The following PIK3R6 variants were observed in gnomAD, a reference collection of about 807,000 sequenced individuals.
The protein encoded by PIK3R6 is phosphoinositide 3-kinase regulatory subunit 6.
PIK3R6 carries 91 observed loss-of-function variants against 84.9 expected under a neutral mutation model. The ratio of observed to expected loss-of-function variants is 1.07; its 90% confidence interval spans 0.90 to 1.28. PIK3R6 has a LOEUF of 1.28. Ranked by LOEUF, PIK3R6 falls within the 50% of genes most tolerant of loss-of-function variation. The pLI is 0.00. For missense variants in PIK3R6, 996 were observed against 985.1 expected (o/e 1.01, Z -0.15); for synonymous variants, 416 against 411.4 (o/e 1.01, Z -0.13).
At chr17:8,809,948 G>A (rs2087307190) in intron 18 of PIK3R6, among the ~76,000 whole-genome samples, 1 of 152,074 alleles carries the variant, frequency 6.6e-6, no homozygotes, top group South Asian at 2.1e-4. Context: ...AATTCAACAA[G>A]AAGACATAAC....
Position 8,829,380 on chromosome 17 carries a change from ACACT to A in PIK3R6, c.889+322_889+325del, listed in dbSNP as rs747240981. Among the ~76,000 whole-genome samples the A allele has an allele frequency of 2.0e-5, 3 of 151,040 alleles. No individual in the cohort carries two copies. The South Asian group carries it at 6.3e-4, about 32-fold the overall frequency. On this transcript the variant is annotated intron_variant, in intron 10 of 19. Transcript: ENST00000619866. The stretch of plus-strand genomic sequence containing the variant: ...GACACACACACATGCATGGATACAC[ACACT>A]GACACACACGCATGCACACATACAC...
rs1037211714 is a variant in PIK3R6 at position 8,839,918 on chromosome 17, A to G, written c.14-221T>C. 2.0e-5 allele frequency among the ~76,000 whole-genome samples: 3 copies of G among 152,208 alleles called. No homozygotes were observed. Among genetic ancestry groups the G allele is most frequent in the Admixed American group, 2.0e-4 (3 of 15,282 alleles). On this transcript the variant is annotated intron_variant, in intron 2 of 19. Coordinates refer to ENST00000619866, the MANE Select transcript of PIK3R6 (RefSeq NM_001010855.4). This position sits in a 1 kb window ranked among gnomAD's most constrained non-coding sequence, Gnocchi z 4.2. ...GTAAAACCTGCATTTCCCAAAGTGCAGTATGTGTACCACTGGTGGTATGTA... is the reference window on the plus strand; with the variant it reads ...GTAAAACCTGCATTTCCCAAAGTGCGGTATGTGTACCACTGGTGGTATGTA...
chr17:8,859,939 T>C (rs767557630), intron 1 of PIK3R6, among the ~76,000 whole-genome samples: 11 of 152,124 alleles, frequency 7.2e-5, no homozygotes, highest in East Asian at 1.9e-4. Flanking sequence ...CCAGTCTCTC[T>C]CTCTATCCTA....
chr17:8,857,503 T>C (rs781398475), intron 1 of PIK3R6, among the ~76,000 whole-genome samples: 9 of 152,136 alleles, frequency 5.9e-5, no homozygotes, highest in Admixed American at 5.2e-4. Flanking sequence ...AACTTCTGTC[T>C]GGGGCGGCCT....
rs182176184 is a variant in PIK3R6, at chr17:8,849,893, A to C, written c.-91-8T>G. 2,752 of 1,485,688 alleles carry C rather than the reference A, an allele frequency of 1.9e-3. 4 individuals carry two copies. The highest frequency in any genetic ancestry group is 2.3e-3 in the Non-Finnish European group (2,544 of 1,095,502). The allele number at this position is 1,485,688 out of a possible 1,614,324, so 92.0% of individuals were successfully genotyped here. On this transcript the variant is annotated splice_region_variant and splice_polypyrimidine_tract_variant and intron_variant, in intron 1 of 19. Transcript: ENST00000619866. ...TTCTGCACAGAGGTGGTTCTGCAAA[A>C]TAAGAGGTAGTTAATTAGTGGAAGC...
chr17:8,854,603 T>A (rs1246846361), intron 1 of PIK3R6, among the ~76,000 whole-genome samples: 2 of 151,964 alleles, frequency 1.3e-5, no homozygotes, highest in Non-Finnish European at 2.9e-5. Flanking sequence ...GAGAAAGGAG[T>A]CTTTTCAACA....
intron 10 of PIK3R6, among the ~76,000 whole-genome samples, chr17:8,829,274 GAC>G (rs201435016): frequency 0.05 from 7,054 of 141,840 alleles, 423 homozygotes; most frequent in East Asian, 0.31. Flanking sequence ...CAGACACACT[GAC>G]ACACACACGC....
At chr17:8,841,938 A>G (rs943132413) in intron 2 of PIK3R6, among the ~76,000 whole-genome samples, 2 of 152,126 alleles carry the variant, frequency 1.3e-5, no homozygotes, top group African/African-American at 2.4e-5. Context: ...ATGGTGGTGG[A>G]TGCTTCATGA....
At chr17:8,822,222 T>C (rs57986328) in intron 16 of PIK3R6, among the ~76,000 whole-genome samples, 5 of 152,030 alleles carry the variant, frequency 3.3e-5, no homozygotes, top group African/African-American at 7.2e-5. Context: ...GTCCCATAAG[T>C]GCTAGCAGAT....
Position 8,849,800 on chromosome 17 carries a change from C to T in PIK3R6, c.-6G>A. 1 of 1,611,890 alleles carries T rather than the reference C, an allele frequency of 6.2e-7. No individual in the cohort carries two copies. Among genetic ancestry groups the T allele is most frequent in the Non-Finnish European group, 8.5e-7 (1 of 1,178,878 alleles). On this transcript the variant is annotated 5_prime_UTR_variant, in exon 2 of 20. Coordinates refer to ENST00000619866, the MANE Select transcript of PIK3R6 (RefSeq NM_001010855.4). ...CACTGACCTGAGCTCTCCATGGGAGCCTTTGGGTGTAGGAGGAGGAGGATG... is the reference window on the plus strand; with the variant it reads ...CACTGACCTGAGCTCTCCATGGGAGTCTTTGGGTGTAGGAGGAGGAGGATG...
chr17:8,837,695 A>T, intron 5 of PIK3R6, 108 bp downstream of exon 5: 1 of 979,266 alleles, frequency 1.0e-6, no homozygotes, highest in Non-Finnish European at 1.6e-6. Flanking sequence ...AATCCAAGGG[A>T]TTTTCTAGGC....
In PIK3R6 at chr17:8,835,399, T is replaced by C. The variant is rs1455355468; in HGVS notation, c.519A>G (p.Leu173=). Residue 173 remains leucine (L), a synonymous_variant, in exon 8 of 20, where the codon CTA becomes CTG. Coordinates refer to ENST00000619866, the MANE Select transcript of PIK3R6 (RefSeq NM_001010855.4). ...LVSASVCSAL[L]LEIEAAQAQQ... ...GCGCCTGGGCCGCCTCGATCTCCAG[T>C]AGCAGAGCACTGCACACAGACGCAG... is the stretch of plus-strand genomic sequence containing the variant. 1 of 1,611,856 alleles carries C rather than the reference T, an allele frequency of 6.2e-7. No individual in the cohort carries two copies.
chr17:8,828,025 G>A, intron 12 of PIK3R6, 87 bp downstream of exon 12: 1 of 1,365,316 alleles, frequency 7.3e-7, no homozygotes. Flanking sequence ...CCTGAGCCGG[G>A]GATGTGGGGG....
In PIK3R6 at chr17:8,810,861, G is replaced by A. The variant is rs1184764723; in HGVS notation, c.1996-6708C>T. On this transcript the variant is annotated intron_variant, in intron 18 of 19. Coordinates refer to ENST00000619866, the MANE Select transcript of PIK3R6 (RefSeq NM_001010855.4). ...TTTTATGGGCTGGCGTTGAGTGTCT[G>A]CAGCTTTTCTAGGCACACGTGCAAG... 2.0e-5 allele frequency among the ~76,000 whole-genome samples: 3 copies of A among 148,628 alleles called. 1 individual carries two copies. Among genetic ancestry groups the A allele is most frequent in the African/African-American group, 7.5e-5 (3 of 39,866 alleles).
intron 15 of PIK3R6, 45 bp downstream of exon 15, chr17:8,822,951 A>C: frequency 6.9e-7 from 1 of 1,457,574 alleles, no homozygotes; most frequent in Non-Finnish European, 9.6e-7. Context: ...AGTTTGGAGA[A>C]GCTGAGTCAG....
intron 9 of PIK3R6, among the ~76,000 whole-genome samples, chr17:8,831,869 G>A (rs551280445): frequency 9.9e-5 from 15 of 152,210 alleles, no homozygotes; most frequent in Non-Finnish European, 1.9e-4. Context: ...TATTCGGGAC[G>A]TTTCTCTGGG....
intron 9 of PIK3R6, among the ~76,000 whole-genome samples, chr17:8,831,050 G>T (rs2088217859): frequency 6.6e-6 from 1 of 151,498 alleles, no homozygotes; most frequent in South Asian, 2.1e-4. Context: ...GGAGGCTGAG[G>T]CAGGAGAATG....
chr17:8,824,717 C>T (rs1206078311), intron 13 of PIK3R6, among the ~76,000 whole-genome samples: 2 of 152,142 alleles, frequency 1.3e-5, no homozygotes, highest in African/African-American at 4.8e-5. Flanking sequence ...ACCAATGGGG[C>T]CTGCATCAAA....
At chr17:8,829,094 GAC>G in intron 10 of PIK3R6, 104 bp from the exon 11 acceptor site, 1 of 1,120,116 alleles carries the variant, frequency 8.9e-7, no homozygotes, top group East Asian at 2.8e-5. Flanking sequence ...CAGAAACACA[GAC>G]AGACACATAA....
Sources: allele counts gnomAD v4.1 joint callset (sites outside exome capture counted in the v4.1 genomes callset), GRCh38; gene constraint gnomAD v4.1.1; non-coding constraint Gnocchi (gnomAD v3.1); transcripts MANE v1.5; gene names NCBI Gene and HGNC (gene_info 2026-07-23, HGNC 2026-07-21).